PPA1: variants seen among roughly 807,000 people sequenced by gnomAD.
The protein encoded by PPA1 is inorganic pyrophosphatase.
A neutral mutation model predicts 41.8 loss-of-function variants in PPA1; 23 were observed. The observed-to-expected ratio is 0.55, with a 90% confidence interval of 0.40 to 0.78. The LOEUF (loss-of-function observed/expected upper bound fraction) is 0.78, where lower values mean the gene tolerates loss of function less well. Ranked by LOEUF, PPA1 falls within the 30% of genes least tolerant of loss-of-function variation. PPA1 has a pLI of 0.00. For synonymous variants in PPA1, 101 were observed against 116.8 expected, an observed-to-expected ratio of 0.86 and a Z score of 0.87; for missense variants, 320 against 361.6, an observed-to-expected ratio of 0.89 and a Z score of 0.93.
At position 70,230,403 on chromosome 10, in the gene PPA1, C is replaced by T; in HGVS notation, c.65-4G>A. On this transcript the variant is annotated splice_polypyrimidine_tract_variant and splice_region_variant and intron_variant, in intron 1 of 10. Transcript: ENST00000373232. The stretch of plus-strand genomic sequence containing the variant: ...ATATATTGTCCTTTCTCATTTTCTG[C>T]AAAATAAATTAGAAAAAGTTATTAC... 6.2e-7 allele frequency: 1 copy of T among 1,605,146 alleles called. No homozygotes were observed. The highest frequency in any genetic ancestry group is 1.1e-5 in the South Asian group (1 of 89,812).
At chr10:70,221,013 T>TAA (rs1342343811) in intron 2 of PPA1, among the ~76,000 whole-genome samples, 2 of 72,258 alleles carry the variant, frequency 2.8e-5, no homozygotes, top group South Asian at 3.7e-4. Context: ...AACATATATA[T>TAA]AATTTATATA....
chr10:70,215,791 G>T (rs1294641784), intron 4 of PPA1, among the ~76,000 whole-genome samples: 2 of 152,076 alleles, frequency 1.3e-5, no homozygotes, highest in African/African-American at 4.8e-5. Flanking sequence ...AAAAGGTTAT[G>T]TTCTGATGTT....
intron 6 of PPA1, among the ~76,000 whole-genome samples, chr10:70,212,927 C>T (rs554955221): frequency 2.0e-4 from 30 of 151,890 alleles, no homozygotes; most frequent in Non-Finnish European, 2.8e-4. Flanking sequence ...ACAGAGGCCA[C>T]CTATATGATG....
At chr10:70,210,797 G>A (rs1324888486) in intron 6 of PPA1, among the ~76,000 whole-genome samples, 3 of 146,252 alleles carry the variant, frequency 2.1e-5, no homozygotes, top group Non-Finnish European at 1.5e-5. Context: ...AAGGAGTCTC[G>A]CTCTGTCTCC....
At chr10:70,208,474 C>T (rs188012049) in intron 8 of PPA1, among the ~76,000 whole-genome samples, 6 of 151,788 alleles carry the variant, frequency 4.0e-5, no homozygotes, top group South Asian at 4.2e-4. Context: ...TACAGGCAAG[C>T]GCCACCATGC....
chr10:70,221,252 T>A (rs1226845695), intron 2 of PPA1, among the ~76,000 whole-genome samples: 1 of 149,430 alleles, frequency 6.7e-6, no homozygotes, highest in East Asian at 2.0e-4. Flanking sequence ...AGGGAATAAG[T>A]CAAAGGTTTC....
At chr10:70,207,248 T>C (rs571338742) in intron 8 of PPA1, among the ~76,000 whole-genome samples, 1 of 152,284 alleles carries the variant, frequency 6.6e-6, no homozygotes, top group African/African-American at 2.4e-5. Context: ...AAATTGGAAG[T>C]AACCAAAATG....
intron 5 of PPA1, 152 bp from the exon 6 acceptor site, chr10:70,213,741 G>T: frequency 1.1e-6 from 1 of 912,484 alleles, no homozygotes; most frequent in Non-Finnish European, 1.6e-6. Context: ...ACCTAAATGA[G>T]TAAATGTTTC....
intron 2 of PPA1, among the ~76,000 whole-genome samples, chr10:70,221,245 G>A (rs1343487927): frequency 6.7e-6 from 1 of 149,032 alleles, no homozygotes; most frequent in Non-Finnish European, 1.5e-5. Context: ...AGCCACAAGG[G>A]AATAAGTCAA....
At position 70,203,143 on chromosome 10, in the gene PPA1, A is replaced by C. The variant is rs777807783; in HGVS notation, c.*12T>G. On this transcript the variant is annotated 3_prime_UTR_variant, in exon 11 of 11. Coordinates refer to ENST00000373232, the MANE Select transcript of PPA1 (RefSeq NM_021129.4). ...ATGTAGCAATATCAGCTTGTATTCC[A>C]GAGAAATCTCATTAGTTTTTCTGGT... The C allele has an allele frequency of 2.5e-6, 4 of 1,604,854 alleles. No individual in the cohort carries two copies. Among genetic ancestry groups the C allele is most frequent in the Non-Finnish European group, 3.4e-6 (4 of 1,172,906 alleles).
Position 70,233,420 on chromosome 10 carries a change from C to T in PPA1, c.-93G>A, listed in dbSNP as rs997137241. ...GAGAGAGCCCCACGCCTGCGCACTGCGAGCACTGGACCGGCGGGCGGGGCG... is the reference window on the plus strand; with the variant it reads ...GAGAGAGCCCCACGCCTGCGCACTGTGAGCACTGGACCGGCGGGCGGGGCG... On this transcript the variant is annotated 5_prime_UTR_variant, in exon 1 of 11. Transcript: ENST00000373232. 3.4e-6 allele frequency: 5 copies of T among 1,471,658 alleles called. No homozygotes were observed. Among genetic ancestry groups the T allele is most frequent in the Non-Finnish European group, 4.5e-6 (5 of 1,116,520 alleles). The allele number at this position is 1,471,658 out of a possible 1,614,324, so 91.2% of individuals were successfully genotyped here. A position where few individuals can be genotyped will look rare whatever the true frequency, so the allele number is the denominator to read the frequency against.
chr10:70,233,390 A>T lies in PPA1; in HGVS notation c.-63T>A. On this transcript the variant is annotated 5_prime_UTR_variant, in exon 1 of 11. Transcript: ENST00000373232. ...ACCAGCCCGCACGCGGCGCCGACTGACAAGGAGAGAGCCCCACGCCTGCGC... is the reference window on the plus strand; with the variant it reads ...ACCAGCCCGCACGCGGCGCCGACTGTCAAGGAGAGAGCCCCACGCCTGCGC... The T allele has an allele frequency of 6.6e-7, 1 of 1,521,078 alleles. No individual in the cohort carries two copies. The highest frequency in any genetic ancestry group is 2.6e-5 in the East Asian group (1 of 38,976). 94.2% of individuals were successfully genotyped at this position (1,521,078 alleles called of 1,614,324 possible).
At chr10:70,233,221 T>A in intron 1 of PPA1, 43 bp downstream of exon 1, 9 of 1,521,844 alleles carry the variant, frequency 5.9e-6, no homozygotes, top group South Asian at 4.9e-5. Context: ...CGGGAATGAA[T>A]GGGCGGACGG....
chr10:70,221,051 A>AATT (rs1744414425), intron 2 of PPA1, among the ~76,000 whole-genome samples: 8 of 56,406 alleles, frequency 1.4e-4, no homozygotes, highest in African/African-American at 9.8e-4. Context: ...TTATATATAT[A>AATT]TATAATTTAT....
At chr10:70,222,564 T>C (rs576984854) in intron 2 of PPA1, among the ~76,000 whole-genome samples, 16 of 152,228 alleles carry the variant, frequency 1.1e-4, no homozygotes, top group Admixed American at 8.5e-4. Flanking sequence ...GCTGGTAGCA[T>C]TGGTGGTTCA....
chr10:70,209,508 G>A (rs753892396), intron 7 of PPA1, 50 bp downstream of exon 7: 4 of 1,532,520 alleles, frequency 2.6e-6, no homozygotes, highest in South Asian at 1.2e-5. Flanking sequence ...GTTAAATTAT[G>A]AGTCTCAATA....
In PPA1 at chr10:70,214,304, T is replaced by G. The variant is rs192858142; in HGVS notation, c.384+196A>C. Among the ~76,000 whole-genome samples the G allele has an allele frequency of 8.5e-5, 13 of 152,236 alleles. No individual in the cohort carries two copies. In the East Asian group the frequency reaches 1.3e-3, roughly 16 times the overall value. Reference sequence around the variant, plus strand: ...GTTCAATCATACATACATAGACACATTTTTTTCCAGACTAGATTTAAATGT... The same window carrying G: ...GTTCAATCATACATACATAGACACAGTTTTTTCCAGACTAGATTTAAATGT... On this transcript the variant is annotated intron_variant, in intron 5 of 10. Transcript: ENST00000373232.
At chr10:70,218,906 T>C in intron 2 of PPA1, 89 bp from the exon 3 acceptor site, 1 of 890,864 alleles carries the variant, frequency 1.1e-6, no homozygotes, top group Non-Finnish European at 1.8e-6. Context: ...GTCAAACTGT[T>C]CATTGTATCA....
intron 10 of PPA1, chr10:70,203,983 C>G (rs1839908796): frequency 6.6e-6 from 1 of 152,406 alleles, no homozygotes; most frequent in Non-Finnish European, 1.5e-5. Context: ...CCCACGTACA[C>G]TACAGAATTC....
Sources: allele counts gnomAD v4.1 joint callset (sites outside exome capture counted in the v4.1 genomes callset), GRCh38; gene constraint gnomAD v4.1.1; transcripts MANE v1.5; gene names NCBI Gene and HGNC (gene_info 2026-07-23, HGNC 2026-07-21).